The following CDKN2B-AS1 variants were observed in gnomAD, a reference collection of about 807,000 sequenced individuals.
The protein encoded by CDKN2B-AS1 is CDKN2B and CDKN2A antisense cis and trans regulatory RNA 1.
At chr9:22,010,515 T>G (rs1445648101) in intron 1 of CDKN2B-AS1, among the ~76,000 whole-genome samples, 2 of 152,132 alleles carry the variant, frequency 1.3e-5, no homozygotes, top group Non-Finnish European at 2.9e-5. Context: ...CTTCACATGT[T>G]TTTTTTAGGA....
chr9:21,994,904 C>T (rs1300988770), upstream of CDKN2B-AS1: 3 of 154,192 alleles, frequency 1.9e-5, no homozygotes, highest in African/African-American at 4.8e-5. Context: ...TGGCTCCCCT[C>T]GTCGAAAGTC....
chr9:22,074,965 T>G (rs1824438478), intron 4 of CDKN2B-AS1, among the ~76,000 whole-genome samples: 1 of 152,222 alleles, frequency 6.6e-6, no homozygotes, highest in African/African-American at 2.4e-5. Context: ...AGAGAGAATT[T>G]TAGATGGTAC....
At chr9:22,018,360 G>A (rs1158207041) in intron 1 of CDKN2B-AS1, among the ~76,000 whole-genome samples, 1 of 146,306 alleles carries the variant, frequency 6.8e-6, no homozygotes, top group African/African-American at 2.5e-5. Flanking sequence ...ACATATTACT[G>A]ATAACATATG....
chr9:22,121,948 G>A (rs546497056), intron 4 of CDKN2B-AS1, among the ~76,000 whole-genome samples: 1 of 151,988 alleles, frequency 6.6e-6, no homozygotes, highest in African/African-American at 2.4e-5. Flanking sequence ...AGTACTATTC[G>A]TAGTTTTTTG....
chr9:22,067,146 T>A (rs147986371), intron 4 of CDKN2B-AS1, among the ~76,000 whole-genome samples: 2 of 152,076 alleles, frequency 1.3e-5, no homozygotes, highest in African/African-American at 2.4e-5. Context: ...CACACCAACA[T>A]AGCACATGTA....
At chr9:22,088,871 A>G (rs1222083079) in intron 4 of CDKN2B-AS1, among the ~76,000 whole-genome samples, 1 of 152,188 alleles carries the variant, frequency 6.6e-6, no homozygotes, top group Non-Finnish European at 1.5e-5. Flanking sequence ...TGGAGTTCAC[A>G]TGAGTCCCTT....
At chr9:22,106,106 C>T (rs574007719) in intron 4 of CDKN2B-AS1, among the ~76,000 whole-genome samples, 2 of 151,778 alleles carry the variant, frequency 1.3e-5, no homozygotes, top group South Asian at 2.1e-4. Context: ...TTTTCGAGAC[C>T]GTGTCTCACT....
intron 4 of CDKN2B-AS1, among the ~76,000 whole-genome samples, chr9:22,071,459 A>G (rs1453763797): frequency 1.3e-5 from 2 of 151,898 alleles, no homozygotes; most frequent in East Asian, 3.9e-4. Context: ...TATATTTGAT[A>G]GAGTGATTGA....
At chr9:22,019,380 C>A (rs1286652670) in intron 1 of CDKN2B-AS1, among the ~76,000 whole-genome samples, 1 of 152,068 alleles carries the variant, frequency 6.6e-6, no homozygotes, top group Non-Finnish European at 1.5e-5. Context: ...GACTAAAGTG[C>A]CTGAGCCAAG....
chr9:22,103,998 AAAT>A (rs1223995337), intron 4 of CDKN2B-AS1, among the ~76,000 whole-genome samples: 1 of 152,220 alleles, frequency 6.6e-6, no homozygotes, highest in Non-Finnish European at 1.5e-5. Context: ...TGTGAAATAA[AAAT>A]AAAATGTAGA....
At chr9:22,028,202 T>C (rs933809512) in intron 1 of CDKN2B-AS1, among the ~76,000 whole-genome samples, 4 of 138,548 alleles carry the variant, frequency 2.9e-5, no homozygotes, top group African/African-American at 9.7e-5. Flanking sequence ...TGATTTCTTA[T>C]ACATATAAAA....
At position 22,001,774 on chromosome 9, in the gene CDKN2B-AS1, A is replaced by G. The variant is rs1242954730; in HGVS notation, n.29+6613A>G. Among the ~76,000 whole-genome samples the G allele has an allele frequency of 6.6e-6, 1 of 152,078 alleles. No individual in the cohort carries two copies. The highest frequency in any genetic ancestry group is 1.5e-5 in the Non-Finnish European group (1 of 67,956). On this transcript the variant is annotated intron_variant and non_coding_transcript_variant, in intron 1 of 4. Transcript: ENST00000650946. The surrounding 1 kb of genome is among the most constrained non-coding windows in gnomAD (Gnocchi z 4.2). ...TCATTTGGATAGCTGAAATTGAGAA[A>G]CGTTTTATAGAAACTTTTCAGGTAT...
At chr9:22,069,591 TA>T (rs2131312435) in intron 4 of CDKN2B-AS1, among the ~76,000 whole-genome samples, 2 of 152,354 alleles carry the variant, frequency 1.3e-5, no homozygotes, top group East Asian at 3.9e-4. Context: ...GATACATTTT[TA>T]TGTTGTATAA....
rs1554661625 is a variant in CDKN2B-AS1, at chr9:22,005,112, A to ATGTGTGTGTGTGTGTGTGTGTATG, written n.29+9972_29+9973insATGTGTGTGTGTGTGTGTGTGTGT. 2 of 222,400 alleles carry ATGTGTGTGTGTGTGTGTGTGTATG rather than the reference A, an allele frequency of 9.0e-6. No individual in the cohort carries two copies. Among genetic ancestry groups the ATGTGTGTGTGTGTGTGTGTGTATG allele is most frequent in the Admixed American group, 5.9e-5 (1 of 17,028 alleles). The allele number at this position is 222,400 out of a possible 1,614,324, so 13.8% of individuals were successfully genotyped here. On this transcript the variant is annotated intron_variant and non_coding_transcript_variant, in intron 1 of 4. Transcript: ENST00000650946. This position sits in a 1 kb window ranked among gnomAD's most constrained non-coding sequence, Gnocchi z 4.9. ...CATAAGGGGATTTCCGCATCCTAGCATGTGTGTGTGTGTGTGTGTGTGTGT... is the reference window on the plus strand; with the variant it reads ...CATAAGGGGATTTCCGCATCCTAGCATGTGTGTGTGTGTGTGTGTGTATGTGTGTGTGTGTGTGTGTGTGTGTGT...
rs751427195 is a variant in CDKN2B-AS1, at chr9:22,006,226, G to C, written n.29+11065G>C. The C allele has an allele frequency of 1.9e-6, 3 of 1,606,732 alleles. No individual in the cohort carries two copies. Among genetic ancestry groups the C allele is most frequent in the Non-Finnish European group, 2.5e-6 (3 of 1,179,828 alleles). On this transcript the variant is annotated intron_variant and non_coding_transcript_variant, in intron 1 of 4. Coordinates refer to ENST00000650946, the Ensembl canonical transcript of CDKN2B-AS1. The surrounding 1 kb of genome is among the most constrained non-coding windows in gnomAD (Gnocchi z 6.4). ...TGGAGCAGCAGCAGCTCCGCCACGC[G>C]GGCGCTGCCCATCATCATGACCTGC... is the stretch of plus-strand genomic sequence containing the variant.
At chr9:22,108,756 G>A (rs2131364754) in intron 4 of CDKN2B-AS1, among the ~76,000 whole-genome samples, 1 of 152,270 alleles carries the variant, frequency 6.6e-6, no homozygotes, top group East Asian at 1.9e-4. Context: ...TTGGTAAATA[G>A]CAGTGAGTGA....
At chr9:22,012,360 T>G in intron 1 of CDKN2B-AS1, 1 of 1,106,686 alleles carries the variant, frequency 9.0e-7, no homozygotes, top group South Asian at 1.2e-5. Context: ...ACCCCGCACC[T>G]GGTGCTGCAC....
intron 4 of CDKN2B-AS1, among the ~76,000 whole-genome samples, chr9:22,095,899 G>A (rs567319940): frequency 1.3e-5 from 2 of 151,370 alleles, no homozygotes; most frequent in African/African-American, 4.9e-5. Flanking sequence ...TCAGAGACTA[G>A]GATTGCAACC....
chr9:22,051,772 G>A (rs1031124540), intron 3 of CDKN2B-AS1, among the ~76,000 whole-genome samples: 1 of 152,030 alleles, frequency 6.6e-6, no homozygotes, highest in Non-Finnish European at 1.5e-5. Context: ...TGAAGTTTTT[G>A]CTTCTAGGTA....
Sources: allele counts gnomAD v4.1 joint callset (sites outside exome capture counted in the v4.1 genomes callset), GRCh38; gene constraint gnomAD v4.1.1; non-coding constraint Gnocchi (gnomAD v3.1); transcripts MANE v1.5; gene names NCBI Gene and HGNC (gene_info 2026-07-23, HGNC 2026-07-21).